Variants in MPPED1 observed in about 807,000 individuals in gnomAD.
MPPED1 encodes the protein metallophosphoesterase domain containing 1, also known as metallophosphoesterase domain-containing protein 1.
MPPED1 carries 16 observed loss-of-function variants against 36.2 expected under a neutral mutation model. The observed-to-expected ratio is 0.44, with a 90% CI of 0.30 to 0.67. MPPED1 has a LOEUF of 0.67. Ranked by LOEUF, MPPED1 falls within the 30% of genes least tolerant of loss-of-function variation. The pLI is 0.10. For missense variants in MPPED1, 307 were observed against 453.4 expected (o/e 0.68, Z 2.93); for synonymous variants, 199 against 191.3 (o/e 1.04, Z -0.33).
intron 3 of MPPED1, among the ~76,000 whole-genome samples, chr22:43,463,538 C>G (rs1422014254): frequency 6.6e-6 from 1 of 151,954 alleles, no homozygotes; most frequent in Non-Finnish European, 1.5e-5. Context: ...ACTTCATTGT[C>G]TTTTTTATTT....
At chr22:43,450,748 C>T (rs1447792023) in intron 3 of MPPED1, among the ~76,000 whole-genome samples, 3 of 151,770 alleles carry the variant, frequency 2.0e-5, no homozygotes, top group African/African-American at 4.8e-5. Flanking sequence ...TTTTTTGAGT[C>T]AGAGTTTCGT....
chr22:43,428,613 G>A (rs1315690691), intron 2 of MPPED1, among the ~76,000 whole-genome samples: 2 of 152,172 alleles, frequency 1.3e-5, no homozygotes, highest in Non-Finnish European at 2.9e-5. Flanking sequence ...AGGGAGCGAT[G>A]GAGCCTTATT....
At chr22:43,493,046 A>G (rs1221317732) in intron 4 of MPPED1, among the ~76,000 whole-genome samples, 1 of 152,178 alleles carries the variant, frequency 6.6e-6, no homozygotes, top group African/African-American at 2.4e-5. Flanking sequence ...GTCTGAAACA[A>G]TGAAAAGGCC....
At chr22:43,444,212 G>T (rs1930249224) in intron 3 of MPPED1, among the ~76,000 whole-genome samples, 1 of 151,588 alleles carries the variant, frequency 6.6e-6, no homozygotes, top group African/African-American at 2.4e-5. Context: ...CCCCTTGAAA[G>T]GTATGCTTAA....
chr22:43,463,815 C>CTTTCTTTTTTTTT (rs1377538955), intron 3 of MPPED1, among the ~76,000 whole-genome samples: 27 of 47,984 alleles, frequency 5.6e-4, no homozygotes, highest in East Asian at 9.6e-4. Flanking sequence ...TCTTTTCTTT[C>CTTTCTTTTTTTTT]TTTCTTTCTT....
intron 1 of MPPED1, 116 bp from the exon 2 acceptor site, chr22:43,424,792 T>C (rs2146819067): frequency 2.2e-6 from 3 of 1,347,618 alleles, no homozygotes; most frequent in African/African-American, 1.5e-5. Context: ...GCTGTACGAC[T>C]GTGTTTTTTT....
intron 4 of MPPED1, among the ~76,000 whole-genome samples, chr22:43,487,026 G>A (rs1931934316): frequency 6.6e-6 from 1 of 152,130 alleles, no homozygotes; most frequent in South Asian, 2.1e-4. Context: ...AGTGAAGAGG[G>A]CTAGTGTGTA....
chr22:43,428,635 C>G (rs759037888), intron 2 of MPPED1, among the ~76,000 whole-genome samples: 1 of 152,158 alleles, frequency 6.6e-6, no homozygotes, highest in South Asian at 2.1e-4. Context: ...AATAAATCCA[C>G]AATTTATATT....
intron 6 of MPPED1, among the ~76,000 whole-genome samples, chr22:43,504,072 T>C (rs1932771140): frequency 6.6e-6 from 1 of 151,926 alleles, no homozygotes; most frequent in African/African-American, 2.4e-5. Flanking sequence ...AGGATGGTAG[T>C]GATAGTAGTA....
intron 2 of MPPED1, among the ~76,000 whole-genome samples, chr22:43,431,127 C>T (rs144554162): frequency 0.023 from 3,409 of 145,722 alleles, 162 homozygotes; most frequent in African/African-American, 0.084. Context: ...CTGTAACTTC[C>T]GCCTCCCGGG....
intron 3 of MPPED1, among the ~76,000 whole-genome samples, chr22:43,473,089 C>G (rs1297052574): frequency 6.6e-6 from 1 of 152,204 alleles, no homozygotes; most frequent in Non-Finnish European, 1.5e-5. Flanking sequence ...GGAGCAGAGG[C>G]ATTTCTGGAA....
chr22:43,475,351 T>C (rs1931510224), intron 4 of MPPED1, among the ~76,000 whole-genome samples: 1 of 151,472 alleles, frequency 6.6e-6, no homozygotes, highest in African/African-American at 2.4e-5. Context: ...ACCCCTGCCT[T>C]TAATGAATAT....
intron 4 of MPPED1, among the ~76,000 whole-genome samples, chr22:43,487,138 T>A (rs1931938206): frequency 6.6e-6 from 1 of 152,008 alleles, no homozygotes; most frequent in Non-Finnish European, 1.5e-5. Context: ...GAAGCCGGCC[T>A]GGGCAGGAGG....
intron 4 of MPPED1, among the ~76,000 whole-genome samples, chr22:43,489,285 C>T (rs748441869): frequency 3.3e-5 from 5 of 152,062 alleles, no homozygotes; most frequent in Non-Finnish European, 7.4e-5. Flanking sequence ...ATGGTGGTTT[C>T]CATGAATGTT....
chr22:43,475,755 G>A (rs111066954), intron 4 of MPPED1, among the ~76,000 whole-genome samples: 10,788 of 97,332 alleles, frequency 0.11, 607 homozygotes, highest in African/African-American at 0.22. Context: ...GGTGGTGGTG[G>A]TGATGATGAT....
chr22:43,434,433 T>C (rs135071), intron 2 of MPPED1, among the ~76,000 whole-genome samples: 127,560 of 152,192 alleles, frequency 0.84, 54,280 homozygotes, highest in Middle Eastern at 0.93. Flanking sequence ...CCCGGGCAGT[T>C]GTCCTCATCG....
chr22:43,424,616 AT>A (rs1175754906), intron 1 of MPPED1, among the ~76,000 whole-genome samples: 1 of 152,084 alleles, frequency 6.6e-6, no homozygotes, highest in East Asian at 1.9e-4. Flanking sequence ...GAAAAAAAAA[AT>A]GTCTTAAGTA....
chr22:43,424,830 T>C (rs1405819000), intron 1 of MPPED1, 78 bp from the exon 2 acceptor site: 1 of 1,441,338 alleles, frequency 6.9e-7, no homozygotes, highest in Non-Finnish European at 9.1e-7. Context: ...TCTCCCTCTT[T>C]CTAAATCTTC....
intron 3 of MPPED1, among the ~76,000 whole-genome samples, chr22:43,447,844 T>A (rs1393799170): frequency 1.7e-5 from 2 of 117,560 alleles, no homozygotes; most frequent in South Asian, 2.7e-4. Context: ...TAAAAATATT[T>A]TATATATGTA....
Sources: allele counts gnomAD v4.1 joint callset (sites outside exome capture counted in the v4.1 genomes callset), GRCh38; gene constraint gnomAD v4.1.1; transcripts MANE v1.5; gene names NCBI Gene and HGNC (gene_info 2026-07-23, HGNC 2026-07-21).